Variants in ZNF385B observed in about 807,000 individuals in gnomAD.
ZNF385B encodes the protein zinc finger protein 533.
A neutral mutation model predicts 39.2 loss-of-function variants in ZNF385B; 23 were observed. The ratio of observed to expected loss-of-function variants is 0.59; its 90% confidence interval spans 0.42 to 0.83. The LOEUF (loss-of-function observed/expected upper bound fraction) is 0.83. Among genes scored for constraint, ZNF385B ranks in the 40% least tolerant of loss-of-function variants. ZNF385B has a pLI of 0.00. For synonymous variants in ZNF385B, 205 were observed against 222.6 expected (o/e 0.92, Z 0.70); for missense variants, 552 against 598.9 (o/e 0.92, Z 0.82).
At chr2:179,815,219 T>C (rs35303886) in intron 1 of ZNF385B, among the ~76,000 whole-genome samples, 220 of 152,262 alleles carry the variant, frequency 1.4e-3, no homozygotes, top group African/African-American at 4.9e-3. Flanking sequence ...AAAAGAGACA[T>C]CAAGAGAATA....
intron 3 of ZNF385B, among the ~76,000 whole-genome samples, chr2:179,760,631 A>G (rs1703326075): frequency 6.6e-6 from 1 of 152,138 alleles, no homozygotes; most frequent in African/African-American, 2.4e-5. Flanking sequence ...TTTTTACAAA[A>G]AGGCTCATTG....
intron 7 of ZNF385B, among the ~76,000 whole-genome samples, chr2:179,446,064 TTAAA>T (rs1354129929): frequency 6.6e-6 from 1 of 152,170 alleles, no homozygotes; most frequent in African/African-American, 2.4e-5. Flanking sequence ...ATCATACTAA[TTAAA>T]TATCCTGAAA....
intron 1 of ZNF385B, among the ~76,000 whole-genome samples, chr2:179,809,683 C>A (rs1706615664): frequency 6.6e-6 from 1 of 151,950 alleles, no homozygotes; most frequent in African/African-American, 2.4e-5. Flanking sequence ...TTTTGAAAAA[C>A]CTAATGGGTC....
chr2:179,449,349 A>G (rs567995272), intron 6 of ZNF385B, among the ~76,000 whole-genome samples: 3 of 152,246 alleles, frequency 2.0e-5, no homozygotes, highest in Admixed American at 1.3e-4. Flanking sequence ...ATGAGTGAGA[A>G]GGCCATCGTC....
intron 5 of ZNF385B, among the ~76,000 whole-genome samples, chr2:179,492,649 T>A (rs62177231): frequency 0.15 from 22,227 of 152,038 alleles, 1,956 homozygotes; most frequent in Middle Eastern, 0.21. Flanking sequence ...TTATATATGT[T>A]TAATATATTA....
At chr2:179,639,199 G>A (rs1692031190) in intron 3 of ZNF385B, among the ~76,000 whole-genome samples, 1 of 128,538 alleles carries the variant, frequency 7.8e-6, no homozygotes, top group African/African-American at 3.0e-5. Flanking sequence ...CTGTACTCCA[G>A]TCTGGGGACA....
intron 1 of ZNF385B, among the ~76,000 whole-genome samples, chr2:179,786,347 T>G (rs1477477797): frequency 6.6e-6 from 1 of 152,178 alleles, no homozygotes; most frequent in Non-Finnish European, 1.5e-5. Flanking sequence ...TCTAGTTTTA[T>G]AAATGTAATT....
In ZNF385B at chr2:179,548,049, C is replaced by T. The variant is rs979210011; in HGVS notation, c.299-3080G>A. On this transcript the variant is annotated intron_variant, in intron 3 of 9. Coordinates refer to ENST00000410066, the MANE Select transcript of ZNF385B (RefSeq NM_152520.6). ...TGTTTGCTGTTGGTACATAGAAATG[C>T]TACTGATTTTTGTATGTTGATTTTG... 2.7e-5 allele frequency among the ~76,000 whole-genome samples: 4 copies of T among 149,486 alleles called. 2 individuals are homozygous for T. Among genetic ancestry groups the T allele is most frequent in the Admixed American group, 1.3e-4 (2 of 15,054 alleles).
intron 4 of ZNF385B, among the ~76,000 whole-genome samples, chr2:179,532,894 T>C (rs1467615682): frequency 6.6e-6 from 1 of 152,118 alleles, no homozygotes; most frequent in Non-Finnish European, 1.5e-5. Context: ...CCTCTGGAAA[T>C]CAATCATGCT....
intron 6 of ZNF385B, among the ~76,000 whole-genome samples, chr2:179,449,784 G>A (rs548833977): frequency 0.01 from 1,590 of 151,732 alleles, 18 homozygotes; most frequent in Non-Finnish European, 0.018. Context: ...AAAAGAGCCC[G>A]CATCGCCAAG....
At chr2:179,769,267 T>C (rs1480118475) in intron 3 of ZNF385B, among the ~76,000 whole-genome samples, 4 of 152,164 alleles carry the variant, frequency 2.6e-5, no homozygotes, top group Non-Finnish European at 5.9e-5. Flanking sequence ...TCTGGACCCA[T>C]ATACAAATTG....
intron 6 of ZNF385B, among the ~76,000 whole-genome samples, chr2:179,476,431 T>C (rs1361550092): frequency 6.6e-6 from 1 of 152,242 alleles, no homozygotes; most frequent in Non-Finnish European, 1.5e-5. Context: ...AAGGCTTTGC[T>C]TTTTGGAGTG....
chr2:179,444,315 T>A (rs1357129302), intron 9 of ZNF385B, among the ~76,000 whole-genome samples: 1 of 152,204 alleles, frequency 6.6e-6, no homozygotes, highest in East Asian at 1.9e-4. Flanking sequence ...CATCTTGGTA[T>A]TTATATGACA....
chr2:179,643,135 T>TA (rs1692415057), intron 3 of ZNF385B, among the ~76,000 whole-genome samples: 2 of 151,746 alleles, frequency 1.3e-5, no homozygotes, highest in South Asian at 4.2e-4. Context: ...ATTTTTGTTT[T>TA]TTTTTGGTCA....
intron 3 of ZNF385B, among the ~76,000 whole-genome samples, chr2:179,556,615 T>C (rs935412510): frequency 6.7e-6 from 1 of 149,412 alleles, no homozygotes; most frequent in Non-Finnish European, 1.5e-5. Context: ...CGAGAACGGA[T>C]TGGGAGGTCA....
intron 1 of ZNF385B, among the ~76,000 whole-genome samples, chr2:179,817,668 T>C (rs1377435887): frequency 6.7e-6 from 1 of 149,348 alleles, no homozygotes; most frequent in Non-Finnish European, 1.5e-5. Flanking sequence ...TAACCCTCTG[T>C]GTGTGTGTGT....
intron 3 of ZNF385B, 96 bp downstream of exon 3, chr2:179,769,407 T>G: frequency 6.5e-7 from 1 of 1,531,902 alleles, no homozygotes; most frequent in South Asian, 1.2e-5. Context: ...TAGCCCAGTT[T>G]TAAGGTAAAA....
In ZNF385B at chr2:179,769,533, G is replaced by T. The variant is rs751633924; in HGVS notation, c.268C>A (p.Gln90Lys). 1 of 1,614,034 alleles carries T rather than the reference G, an allele frequency of 6.2e-7. No homozygotes were observed. Among genetic ancestry groups the T allele is most frequent in the Non-Finnish European group, 8.5e-7 (1 of 1,180,006 alleles). ...LSDGQPPPPA[Q>K]ASPSSNSSTG... is the part of the protein sequence containing the mutation. ...CTGCTGTTGCTGCTGGGGCTGGCCT[G>T]GGCGGGTGGTGGGGGCTGCCCATCA... The change falls in exon 3 of 10, where the codon CAG (glutamine) becomes AAG (lysine). Residue 90 changes from glutamine to lysine, a missense_variant. Coordinates refer to ENST00000410066, the MANE Select transcript of ZNF385B (RefSeq NM_152520.6).
intron 3 of ZNF385B, among the ~76,000 whole-genome samples, chr2:179,673,897 T>G (rs1204359424): frequency 1.3e-5 from 2 of 152,208 alleles, no homozygotes; most frequent in Non-Finnish European, 2.9e-5. Context: ...GTAAATAAGA[T>G]TTATAAACCT....
Sources: allele counts gnomAD v4.1 joint callset (sites outside exome capture counted in the v4.1 genomes callset), GRCh38; gene constraint gnomAD v4.1.1; transcripts MANE v1.5; gene names NCBI Gene and HGNC (gene_info 2026-07-23, HGNC 2026-07-21).